NFASC: variants seen among roughly 807,000 people sequenced by gnomAD.
NFASC encodes neurofascin homolog.
NFASC carries 43 observed loss-of-function variants against 147.5 expected under a neutral mutation model. That is an observed-to-expected ratio of 0.29 (90% CI 0.23 to 0.38). The LOEUF is 0.38. Ranked by LOEUF, NFASC falls within the 10% of genes least tolerant of loss-of-function variation. The probability of loss-of-function intolerance (pLI) is 1.00; values close to 1 mark genes in which losing one functional copy is unlikely to be tolerated. For synonymous variants in NFASC, 622 were observed against 665.5 expected (o/e 0.93, Z 1.01); for missense variants, 1,320 against 1,689.0 (o/e 0.78, Z 3.83).
intron 27 of NFASC, among the ~76,000 whole-genome samples, chr1:205,005,418 C>CA (rs61496484): frequency 0.056 from 8,503 of 152,186 alleles, 685 homozygotes; most frequent in African/African-American, 0.18. Context: ...GTGGAAGGCA[C>CA]ACAAAACACG....
chr1:204,998,606 C>G (rs1232859138), intron 25 of NFASC: 1 of 152,222 alleles, frequency 6.6e-6, no homozygotes, highest in Admixed American at 6.5e-5. Context: ...CAGGTGCCAT[C>G]TAGAACTTAA....
In NFASC at chr1:204,856,382, GGTGT is replaced by G. The variant is rs57653534; in HGVS notation, c.-200+27634_-200+27637del. ...AAGTGCCAAGGAGAGATGCAGAACA[GGTGT>G]GTGTGTGTGTGTGTGTGTGTGTGTG... On this transcript the variant is annotated intron_variant, in intron 1 of 29. Coordinates refer to ENST00000339876, the MANE Select transcript of NFASC (RefSeq NM_001005388.3). Among the ~76,000 whole-genome samples the G allele has an allele frequency of 1.8e-3, 258 of 139,782 alleles. 1 individual carries two copies. The highest frequency in any genetic ancestry group is 7.1e-3 in the Middle Eastern group (2 of 282). The allele number at this position is 139,782 out of a possible 152,430, so 91.7% of individuals were successfully genotyped here. A position where few individuals can be genotyped will look rare whatever the true frequency, so the allele number is the denominator to read the frequency against.
chr1:204,845,562 G>T (rs1162134986), intron 1 of NFASC, among the ~76,000 whole-genome samples: 5 of 152,030 alleles, frequency 3.3e-5, no homozygotes, highest in African/African-American at 1.2e-4. Flanking sequence ...TTAATCTGTG[G>T]TACCTAGAAA....
rs751751104 is a variant in NFASC, at chr1:204,981,737, C to G, written c.2248-61C>G. On this transcript the variant is annotated intron_variant, in intron 20 of 29. Coordinates refer to ENST00000339876, the MANE Select transcript of NFASC (RefSeq NM_001005388.3). ...GCCTGGCACAGCAAGAGAGGGCAAG[C>G]TGTGGGTGGATCTGGGCCCCTCTCT... The G allele has an allele frequency of 2.5e-5, 27 of 1,099,560 alleles. No homozygotes were observed. The African/African-American group carries it at 3.2e-4, about 13-fold the overall frequency. The allele number at this position is 1,099,560 out of a possible 1,614,324, so 68.1% of individuals were successfully genotyped here.
At chr1:204,850,716 T>G (rs1021746283) in intron 1 of NFASC, among the ~76,000 whole-genome samples, 1 of 152,240 alleles carries the variant, frequency 6.6e-6, no homozygotes, top group Non-Finnish European at 1.5e-5. Context: ...GTAAGTTTCC[T>G]GAGGCCTCCC....
intron 1 of NFASC, among the ~76,000 whole-genome samples, chr1:204,915,137 G>A (rs548489637): frequency 3.9e-5 from 6 of 152,122 alleles, no homozygotes; most frequent in South Asian, 2.1e-4. Context: ...AAAATTAGCC[G>A]GGCGTGGTGG....
chr1:204,990,611 T>G (rs1479957165), intron 23 of NFASC: 1 of 150,458 alleles, frequency 6.6e-6, no homozygotes, highest in Non-Finnish European at 1.5e-5. Context: ...GGGCTCTCAG[T>G]CCAAACTTGG....
intron 1 of NFASC, among the ~76,000 whole-genome samples, chr1:204,835,796 A>T (rs1014479016): frequency 6.6e-6 from 1 of 152,038 alleles, no homozygotes. Flanking sequence ...AGCACGTACG[A>T]TGCCCAGCTC....
chr1:204,991,425 C>G, intron 24 of NFASC, 119 bp downstream of exon 24: 1 of 1,085,740 alleles, frequency 9.2e-7, no homozygotes, highest in South Asian at 1.3e-5. Context: ...CAGACTCACC[C>G]TTTCAGTGGT....
intron 12 of NFASC, 28 bp from the exon 13 acceptor site, chr1:204,974,151 C>T (rs1355347509): frequency 1.3e-6 from 2 of 1,581,670 alleles, no homozygotes; most frequent in Non-Finnish European, 8.7e-7. Flanking sequence ...AGACTTGGCA[C>T]TCGAGATTGC....
chr1:204,906,894 A>T (rs539262765), intron 1 of NFASC, among the ~76,000 whole-genome samples: 18 of 152,286 alleles, frequency 1.2e-4, no homozygotes, highest in East Asian at 1.9e-4. Context: ...CATGTTAGCC[A>T]GGATGGTCTG....
intron 27 of NFASC, chr1:205,008,848 G>A: frequency 6.4e-6 from 1 of 155,216 alleles, no homozygotes; most frequent in Admixed American, 6.3e-5. Context: ...GAAGTGGCAT[G>A]GAGTGAGCAG....
At chr1:204,858,789 G>A (rs1284107455) in intron 1 of NFASC, among the ~76,000 whole-genome samples, 2 of 152,058 alleles carry the variant, frequency 1.3e-5, no homozygotes, top group Non-Finnish European at 1.5e-5. Flanking sequence ...CAACAGCCAT[G>A]GCAGCTCCTT....
rs2095609480 is a variant in NFASC, at chr1:204,986,113, A to T, written c.2471-1305A>T. On this transcript the variant is annotated intron_variant, in intron 21 of 29. Coordinates refer to ENST00000339876, the MANE Select transcript of NFASC (RefSeq NM_001005388.3). This position sits in a 1 kb window ranked among gnomAD's most constrained non-coding sequence, Gnocchi z 4.2. Reference sequence around the variant, plus strand: ...CCAAGGAGTTCACCACCCCGGAAGGAGGTAGGTCTGGCCTGCAGCTCTTCA... The same window carrying T: ...CCAAGGAGTTCACCACCCCGGAAGGTGGTAGGTCTGGCCTGCAGCTCTTCA... The T allele has an allele frequency of 6.2e-7, 1 of 1,612,312 alleles. No homozygotes were observed. The highest frequency in any genetic ancestry group is 1.7e-5 in the Admixed American group (1 of 59,996).
At chr1:204,847,653 C>T (rs181203422) in intron 1 of NFASC, among the ~76,000 whole-genome samples, 240 of 152,304 alleles carry the variant, frequency 1.6e-3, no homozygotes, top group Non-Finnish European at 2.9e-3. Context: ...TTGCAGAGGA[C>T]GTGACTCTCT....
intron 27 of NFASC, among the ~76,000 whole-genome samples, chr1:205,005,370 G>T (rs1464945723): frequency 6.6e-6 from 1 of 152,204 alleles, no homozygotes; most frequent in Non-Finnish European, 1.5e-5. Flanking sequence ...CTTTGCAGGT[G>T]TATTGCCCGC....
rs1413794342 is a variant in NFASC, at chr1:205,002,654, A to G, written c.3195A>G (p.Thr1065=). ...VKAQAQPIQL[T]DLYPGMTYTL... Reference sequence around the variant, plus strand: ...CCCAGGCTCAGCCTATACAGCTGACAGACCTCTATCCCGGGATGACATACA... The same window carrying G: ...CCCAGGCTCAGCCTATACAGCTGACGGACCTCTATCCCGGGATGACATACA... Residue 1065 remains threonine, a synonymous_variant, in exon 27 of 30, where the codon ACA becomes ACG. Coordinates refer to ENST00000339876, the MANE Select transcript of NFASC (RefSeq NM_001005388.3). The G allele has an allele frequency of 1.9e-6, 3 of 1,585,130 alleles. No individual in the cohort carries two copies. The African/African-American group carries it at 4.0e-5, about 21-fold the overall frequency.
chr1:204,911,725 T>C (rs2087558640), intron 1 of NFASC, among the ~76,000 whole-genome samples: 2 of 152,200 alleles, frequency 1.3e-5, no homozygotes, highest in South Asian at 4.1e-4. Flanking sequence ...TTTAATAATT[T>C]GGTAGAATTC....
At chr1:204,871,626 G>C (rs1319834691) in intron 1 of NFASC, among the ~76,000 whole-genome samples, 1 of 152,178 alleles carries the variant, frequency 6.6e-6, no homozygotes, top group Non-Finnish European at 1.5e-5. Context: ...TGGATCTCAG[G>C]ATCTCAGGCC....
Sources: allele counts gnomAD v4.1 joint callset (sites outside exome capture counted in the v4.1 genomes callset), GRCh38; gene constraint gnomAD v4.1.1; non-coding constraint Gnocchi (gnomAD v3.1); transcripts MANE v1.5; gene names NCBI Gene and HGNC (gene_info 2026-07-23, HGNC 2026-07-21).